PTPRT: variants seen among roughly 807,000 people sequenced by gnomAD.
PTPRT encodes receptor-type tyrosine-protein phosphatase T.
PTPRT carries 56 observed loss-of-function variants against 176.8 expected under a neutral mutation model. The ratio of observed to expected loss-of-function variants is 0.32; its 90% CI spans 0.26 to 0.40. PTPRT has a LOEUF of 0.40. PTPRT is among the 10% of genes least tolerant of loss of function. The pLI is 1.00. For synonymous variants in PTPRT, 783 were observed against 739.0 expected (o/e 1.06, Z -0.96); for missense variants, 1,540 against 1,908.2 (o/e 0.81, Z 3.60).
At chr20:42,082,883 CTCAG>C (rs1273322802) in intron 29 of PTPRT, among the ~76,000 whole-genome samples, 1 of 152,178 alleles carries the variant, frequency 6.6e-6, no homozygotes, top group Non-Finnish European at 1.5e-5. Context: ...AACTAAGGCA[CTCAG>C]TCAATCTCCC....
intron 1 of PTPRT, among the ~76,000 whole-genome samples, chr20:43,094,035 C>G (rs2146311569): frequency 6.6e-6 from 1 of 152,100 alleles, no homozygotes; most frequent in South Asian, 2.1e-4. Context: ...CTGTTCCTTT[C>G]TTTCAGACAC....
chr20:42,611,365 G>C (rs2073972957), intron 7 of PTPRT, among the ~76,000 whole-genome samples: 1 of 152,142 alleles, frequency 6.6e-6, no homozygotes, highest in Non-Finnish European at 1.5e-5. Context: ...ATCCTACTGG[G>C]TGGGGAGGTG....
intron 7 of PTPRT, among the ~76,000 whole-genome samples, chr20:42,626,492 T>C (rs115972816): frequency 2.5e-3 from 380 of 152,326 alleles, no homozygotes; most frequent in African/African-American, 8.8e-3. Context: ...TTTGCAAGCG[T>C]AGAAAATCAG....
At chr20:43,054,435 T>C (rs910363970) in intron 1 of PTPRT, among the ~76,000 whole-genome samples, 4 of 151,998 alleles carry the variant, frequency 2.6e-5, no homozygotes, top group African/African-American at 9.7e-5. Context: ...CTGCATATAG[T>C]CCCAGGTACT....
rs1295444724 is a variant in PTPRT at position 42,078,368 on chromosome 20, ACCCT to A, written c.*2507_*2510del. On this transcript the variant is annotated 3_prime_UTR_variant, in exon 31 of 31. Transcript: ENST00000373187. Reference sequence around the variant, plus strand: ...ATGGGCCTGGAGATCTGGGTTGGTGACCCTGCTCCGTGGTAAAGCAGAGACCCTG... The same window carrying A: ...ATGGGCCTGGAGATCTGGGTTGGTGAGCTCCGTGGTAAAGCAGAGACCCTG... The A allele has an allele frequency of 4.7e-6, 1 of 212,216 alleles. No homozygotes were observed. The highest frequency in any genetic ancestry group is 9.6e-6 in the Non-Finnish European group (1 of 104,672). 13.1% of individuals were successfully genotyped at this position (212,216 alleles called of 1,614,324 possible).
At chr20:42,224,424 T>C (rs1172522460) in intron 15 of PTPRT, among the ~76,000 whole-genome samples, 1 of 152,200 alleles carries the variant, frequency 6.6e-6, no homozygotes, top group Non-Finnish European at 1.5e-5. Context: ...TGCCACCAAA[T>C]AGCATCTTGA....
At chr20:43,099,685 T>C (rs2012312391) in intron 1 of PTPRT, among the ~76,000 whole-genome samples, 1 of 152,140 alleles carries the variant, frequency 6.6e-6, no homozygotes, top group Non-Finnish European at 1.5e-5. Context: ...TCTAAAATCC[T>C]CATCTCCATT....
At chr20:42,413,697 T>C (rs2145745026) in intron 9 of PTPRT, among the ~76,000 whole-genome samples, 1 of 152,338 alleles carries the variant, frequency 6.6e-6, no homozygotes, top group Non-Finnish European at 1.5e-5. Context: ...CTGATCCTAC[T>C]GGTTTATACC....
At chr20:42,496,188 G>A (rs1483076559) in intron 7 of PTPRT, among the ~76,000 whole-genome samples, 1 of 152,128 alleles carries the variant, frequency 6.6e-6, no homozygotes, top group Non-Finnish European at 1.5e-5. Context: ...AAGAAGAGGG[G>A]TCGGCTTTGC....
At chr20:42,369,430 T>C (rs1400835569) in intron 9 of PTPRT, among the ~76,000 whole-genome samples, 3 of 152,214 alleles carry the variant, frequency 2.0e-5, no homozygotes, top group African/African-American at 7.2e-5. Flanking sequence ...ATACCCTCTC[T>C]ACCCTGAACC....
Position 42,110,204 on chromosome 20 carries a change from G to A in PTPRT, c.3254+129C>T, listed in dbSNP as rs374877931. The A allele has an allele frequency of 3.4e-5, 28 of 821,240 alleles. 1 individual carries two copies. The highest frequency in any genetic ancestry group is 1.7e-4 in the East Asian group (6 of 35,042). 50.9% of individuals were successfully genotyped at this position (821,240 alleles called of 1,614,324 possible). ...TGGGATTACAGATGTATGCCACCATGACCAGCTAAGTTTTTGTATCTTTCT... is the reference window on the plus strand; with the variant it reads ...TGGGATTACAGATGTATGCCACCATAACCAGCTAAGTTTTTGTATCTTTCT... On this transcript the variant is annotated intron_variant, in intron 23 of 30. Transcript: ENST00000373187.
intron 7 of PTPRT, among the ~76,000 whole-genome samples, chr20:42,677,000 G>C (rs983142618): frequency 2.0e-5 from 3 of 152,242 alleles, no homozygotes; most frequent in East Asian, 1.9e-4. Context: ...AGAGAGACAG[G>C]TGTAGTCAGT....
chr20:42,764,787 A>AACATAGTATCATTACATTACATTATT (rs2076960160), intron 5 of PTPRT, among the ~76,000 whole-genome samples: 1 of 152,094 alleles, frequency 6.6e-6, no homozygotes, highest in East Asian at 1.9e-4. Context: ...TCAGCTGTTA[A>AACATAGTATCATTACATTACATTATT]ACATAGTATC....
At chr20:42,996,734 G>A (rs570935145) in intron 1 of PTPRT, among the ~76,000 whole-genome samples, 8 of 152,250 alleles carry the variant, frequency 5.3e-5, no homozygotes, top group East Asian at 3.9e-4. Flanking sequence ...ACAGCATATC[G>A]TCAAGTGTGG....
At chr20:42,947,356 C>A (rs574982323) in intron 1 of PTPRT, among the ~76,000 whole-genome samples, 82 of 152,286 alleles carry the variant, frequency 5.4e-4, no homozygotes, top group South Asian at 1.5e-3. Flanking sequence ...CCAACCTTCC[C>A]CCAGCCCCTG....
At chr20:42,537,450 T>C (rs750975857) in intron 7 of PTPRT, among the ~76,000 whole-genome samples, 3 of 152,232 alleles carry the variant, frequency 2.0e-5, no homozygotes, top group Non-Finnish European at 4.4e-5. Context: ...ACAAACTTAT[T>C]GTGTGTCTAC....
intron 27 of PTPRT, among the ~76,000 whole-genome samples, chr20:42,094,460 C>T (rs73129170): frequency 0.039 from 5,918 of 152,204 alleles, 191 homozygotes; most frequent in Middle Eastern, 0.065. Context: ...CTTACTCTGT[C>T]GCCCTAGGCT....
chr20:42,408,022 T>A (rs981958782), intron 9 of PTPRT, among the ~76,000 whole-genome samples: 2 of 152,132 alleles, frequency 1.3e-5, no homozygotes, highest in African/African-American at 2.4e-5. Flanking sequence ...ACAAATTTTT[T>A]AAAATACCAC....
At chr20:42,111,300 TATTC>T (rs34223988) in intron 22 of PTPRT, among the ~76,000 whole-genome samples, 35,557 of 151,996 alleles carry the variant, frequency 0.23, 4,218 homozygotes, top group African/African-American at 0.29. Context: ...TCTGTTTGAT[TATTC>T]ATTCATTCCT....
Sources: gnomAD v4.1 joint callset for allele counts (sites outside exome capture counted in the v4.1 genomes callset) on GRCh38, gnomAD v4.1.1 for gene constraint, MANE v1.5 for transcripts, NCBI Gene and HGNC (gene_info 2026-07-23, HGNC 2026-07-21) for gene names.